Variants in KALRN observed in about 807,000 individuals in gnomAD.
KALRN encodes kalirin.
In KALRN, 70 loss-of-function variants were observed where a neutral mutation model predicts 353.7. The ratio of observed to expected loss-of-function variants is 0.20; its 90% CI spans 0.16 to 0.24. The LOEUF is 0.24. Among genes scored for constraint, KALRN ranks in the 10% least tolerant of loss-of-function variants. The probability of loss-of-function intolerance (pLI) is 1.00; values close to 1 mark genes in which losing one functional copy is unlikely to be tolerated. For synonymous variants in KALRN, 1,391 were observed against 1,434.8 expected, an observed-to-expected ratio of 0.97 and a Z score of 0.69; for missense variants, 2,791 against 3,756.7, an observed-to-expected ratio of 0.74 and a Z score of 6.72.
intron 1 of KALRN, among the ~76,000 whole-genome samples, chr3:124,155,405 A>G (rs1489142936): frequency 2.0e-5 from 3 of 152,226 alleles, no homozygotes; most frequent in Non-Finnish European, 2.9e-5. Flanking sequence ...AGTAGTTGAT[A>G]CTACCTTGAG....
chr3:124,461,088 A>G (rs1477325204), intron 23 of KALRN, among the ~76,000 whole-genome samples: 1 of 152,224 alleles, frequency 6.6e-6, no homozygotes, highest in African/African-American at 2.4e-5. Flanking sequence ...ACCAAATTTG[A>G]CCTACCAACT....
intron 33 of KALRN, among the ~76,000 whole-genome samples, chr3:124,506,565 C>T (rs916681760): frequency 3.9e-5 from 6 of 152,076 alleles, no homozygotes; most frequent in Non-Finnish European, 5.9e-5. Flanking sequence ...TCTGCATGAC[C>T]GCTGCTGATC....
chr3:124,051,756 G>A (rs2149151958), intron 1 of KALRN, among the ~76,000 whole-genome samples: 1 of 152,310 alleles, frequency 6.6e-6, no homozygotes, highest in East Asian at 1.9e-4. Context: ...GGTGAAACTG[G>A]GAACTCTGTC....
chr3:124,695,894 T>C (rs1169891364), intron 53 of KALRN, among the ~76,000 whole-genome samples: 1 of 152,230 alleles, frequency 6.6e-6, no homozygotes, highest in Non-Finnish European at 1.5e-5. Context: ...GTCATTTTAT[T>C]CCTTATTTTA....
chr3:124,112,819 T>C (rs1418216783), intron 1 of KALRN, among the ~76,000 whole-genome samples: 1 of 152,046 alleles, frequency 6.6e-6, no homozygotes, highest in Non-Finnish European at 1.5e-5. Flanking sequence ...CACGAGCAGC[T>C]GAGTACAGCT....
intron 1 of KALRN, among the ~76,000 whole-genome samples, chr3:124,197,304 T>G (rs945164198): frequency 1.3e-5 from 2 of 152,246 alleles, no homozygotes; most frequent in Non-Finnish European, 2.9e-5. Flanking sequence ...GGGGAGAAGA[T>G]GCTTACTTTC....
intron 10 of KALRN, among the ~76,000 whole-genome samples, chr3:124,370,074 A>G (rs151133450): frequency 6.6e-6 from 1 of 152,170 alleles, no homozygotes; most frequent in African/African-American, 2.4e-5. Context: ...AAATATATAA[A>G]CGTTATTTGT....
chr3:124,555,669 G>T (rs1377695865), intron 33 of KALRN, among the ~76,000 whole-genome samples: 7 of 152,144 alleles, frequency 4.6e-5, no homozygotes, highest in Non-Finnish European at 7.3e-5. Flanking sequence ...TAGGTGGGCA[G>T]CCAATGGGAG....
Position 124,468,283 on chromosome 3 carries a change from C to T in KALRN, c.4031+5650C>T, listed in dbSNP as rs200609389. On this transcript the variant is annotated intron_variant, in intron 25 of 59. Transcript: ENST00000682506. The stretch of plus-strand genomic sequence containing the variant: ...GTGTTAGGCTCTATTTCTTCCTCCT[C>T]CTCTTTTTTAAAATTCTGGTTGCCA... Among the ~76,000 whole-genome samples, 7 of 152,278 alleles carry T rather than the reference C, an allele frequency of 4.6e-5. No individual in the cohort carries two copies. In the East Asian group the frequency reaches 1.4e-3, roughly 29 times the overall value.
chr3:124,338,761 G>A (rs2081384763), intron 9 of KALRN, among the ~76,000 whole-genome samples: 1 of 152,118 alleles, frequency 6.6e-6, no homozygotes, highest in Non-Finnish European at 1.5e-5. Context: ...CTATTATTGT[G>A]TGGGAGTCTC....
At chr3:124,595,879 A>G (rs1263974171) in intron 34 of KALRN, among the ~76,000 whole-genome samples, 1 of 152,202 alleles carries the variant, frequency 6.6e-6, no homozygotes, top group Non-Finnish European at 1.5e-5. Flanking sequence ...TTCATAGGAT[A>G]TAGACTGATA....
chr3:124,382,778 C>G (rs917648651), intron 10 of KALRN, among the ~76,000 whole-genome samples: 2 of 152,174 alleles, frequency 1.3e-5, no homozygotes, highest in Non-Finnish European at 2.9e-5. Context: ...ATACCTCTCT[C>G]CCATCAGCTG....
chr3:124,079,684 G>A (rs185336823), intron 1 of KALRN, among the ~76,000 whole-genome samples: 248 of 152,292 alleles, frequency 1.6e-3, no homozygotes, highest in South Asian at 4.6e-3. Flanking sequence ...AAAACCCAAC[G>A]TCTTTTTATA....
At chr3:124,366,394 T>C (rs1239182225) in intron 10 of KALRN, among the ~76,000 whole-genome samples, 2 of 148,662 alleles carry the variant, frequency 1.3e-5, no homozygotes, top group East Asian at 2.0e-4. Context: ...AGATTAGGGA[T>C]TGGTGATGAC....
intron 8 of KALRN, among the ~76,000 whole-genome samples, chr3:124,332,887 A>AGAT (rs1433865055): frequency 6.6e-6 from 1 of 152,104 alleles, no homozygotes; most frequent in African/African-American, 2.4e-5. Flanking sequence ...GATGGGAGAG[A>AGAT]GATGATGATG....
intron 6 of KALRN, among the ~76,000 whole-genome samples, chr3:124,299,317 T>C (rs1035469048): frequency 5.9e-5 from 9 of 152,158 alleles, no homozygotes; most frequent in Non-Finnish European, 1.3e-4. Context: ...CGGGGCTGTT[T>C]AGACTGGGGA....
At chr3:124,048,368 G>T (rs1007628797) in intron 1 of KALRN, among the ~76,000 whole-genome samples, 1 of 151,932 alleles carries the variant, frequency 6.6e-6, no homozygotes. Context: ...TTATACAAAT[G>T]GATAGCTTTT....
chr3:124,185,611 C>T (rs540837124), intron 1 of KALRN, among the ~76,000 whole-genome samples: 1 of 152,312 alleles, frequency 6.6e-6, no homozygotes, highest in African/African-American at 2.4e-5. Flanking sequence ...AGTAGTTGCT[C>T]CAGAGTTTGT....
At chr3:124,679,358 T>C in intron 50 of KALRN, 100 bp from the exon 51 acceptor site, 3 of 985,652 alleles carry the variant, frequency 3.0e-6, no homozygotes, top group Non-Finnish European at 4.7e-6. Flanking sequence ...CAAGATCCCA[T>C]CGCCCATGCT....
Sources: allele counts gnomAD v4.1 joint callset (sites outside exome capture counted in the v4.1 genomes callset), GRCh38; gene constraint gnomAD v4.1.1; transcripts MANE v1.5; gene names NCBI Gene and HGNC (gene_info 2026-07-23, HGNC 2026-07-21).